Variants in EHBP1L1 observed in about 807,000 individuals in gnomAD.
EHBP1L1 encodes the protein EH domain binding protein 1 like 1, also known as EH domain-binding protein 1-like protein 1.
A neutral mutation model predicts 151.1 loss-of-function variants in EHBP1L1; 122 were observed. The ratio of observed to expected loss-of-function variants is 0.81; its 90% CI spans 0.70 to 0.94. EHBP1L1 has a LOEUF of 0.94. Among genes scored for constraint, EHBP1L1 ranks in the 40% least tolerant of loss-of-function variants. The pLI, the probability that EHBP1L1 is intolerant of heterozygous loss-of-function variation, is 0.00. For synonymous variants in EHBP1L1, 878 were observed against 810.1 expected, an observed-to-expected ratio of 1.08 and a Z score of -1.42; for missense variants, 1,941 against 1,959.8, an observed-to-expected ratio of 0.99 and a Z score of 0.18.
At chr11:65,590,047 G>C in intron 14 of EHBP1L1, 40 bp from the exon 15 acceptor site, 1 of 1,612,906 alleles carries the variant, frequency 6.2e-7, no homozygotes, top group Non-Finnish European at 8.5e-7. Flanking sequence ...TTCAGGGCCT[G>C]GGCTGAGTCC....
Position 65,592,258 on chromosome 11 carries a change from C to CTGAGCCGGCAGT in EHBP1L1, c.4538_4549dup (p.Gln1513_Arg1516dup), listed in dbSNP as rs781043524. 1.0e-5 allele frequency: 16 copies of CTGAGCCGGCAGT among 1,532,784 alleles called. No individual in the cohort carries two copies. The Admixed American group carries it at 1.2e-4, about 11-fold the overall frequency. 94.9% of individuals were successfully genotyped at this position (1,532,784 alleles called of 1,614,324 possible). A position where few individuals can be genotyped will look rare whatever the true frequency, so the allele number is the denominator to read the frequency against. ...CGGCCTGGAACAGCGGCGCCGCAAG[C>CTGAGCCGGCAGT]TGAGCCGGCAGTTGAGCCGGCGGGA... On this transcript the variant is annotated inframe_insertion, in exon 19 of 19. Transcript: ENST00000309295.
rs1857680651 is a variant in EHBP1L1 at position 65,582,612 on chromosome 11, A to T, written c.1940A>T (p.Glu647Val). The T allele has an allele frequency of 7.4e-6, 12 of 1,612,782 alleles. No individual in the cohort carries two copies. The highest frequency in any genetic ancestry group is 9.3e-6 in the Non-Finnish European group (11 of 1,179,646). Residue 647 changes from glutamate (E) to valine (V), a missense_variant, in exon 9 of 19, where the codon GAG (glutamate) becomes GTG (valine). Coordinates refer to ENST00000309295, the MANE Select transcript of EHBP1L1 (RefSeq NM_001099409.3). ...GGGGTCATAGAGACCCCAGGGACAG[A>T]GACTGAGGTATTGGGGACCCAGAAA... ...EVGVIETPGT[E>V]TEVLGTQKTE... is the part of the protein sequence containing the mutation.
chr11:65,589,599 G>A (rs1416331978), intron 12 of EHBP1L1, among the ~76,000 whole-genome samples, 152 bp from the exon 13 acceptor site: 15 of 152,154 alleles, frequency 9.9e-5, no homozygotes, highest in Non-Finnish European at 1.8e-4. Context: ...GGGCCCGGGG[G>A]TTCTGTGCAT....
At position 65,585,533 on chromosome 11, in the gene EHBP1L1, A is replaced by T. The variant is rs1185490228; in HGVS notation, c.3875A>T (p.Asn1292Ile). 45 of 1,576,058 alleles carry T rather than the reference A, an allele frequency of 2.9e-5. No individual in the cohort carries two copies. Among genetic ancestry groups the T allele is most frequent in the Non-Finnish European group, 3.8e-5 (44 of 1,168,492 alleles). Residue 1292 changes from asparagine to isoleucine, a missense_variant, in exon 12 of 19, where the codon AAC becomes ATC. Transcript: ENST00000309295. This position sits in a 1 kb window ranked among gnomAD's most constrained non-coding sequence, Gnocchi z 4.0. ...AAGAAGAGGCGCTCGCGGCTGCGGA[A>T]CAGCAGCTCGTTCTCGATGGACGAT... Reference protein sequence around the residue: ...LLKKRRSRLRNSSSFSMDDPD... With the variant: ...LLKKRRSRLRISSSFSMDDPD...
In EHBP1L1 at chr11:65,585,026, C is replaced by A. The variant is rs2135290628; in HGVS notation, c.3368C>A (p.Ser1123Ter). 3.3e-6 allele frequency: 5 copies of A among 1,536,530 alleles called. No homozygotes were observed. Among genetic ancestry groups the A allele is most frequent in the East Asian group, 2.4e-5 (1 of 40,838 alleles). Residue 1123 changes from serine to a stop codon, truncating the protein, a stop_gained, in exon 12 of 19, where the codon TCG (serine) becomes TAG (stop). Coordinates refer to ENST00000309295, the MANE Select transcript of EHBP1L1 (RefSeq NM_001099409.3). LOFTEE classifies it high-confidence loss of function. The surrounding 1 kb of genome is among the most constrained non-coding windows in gnomAD (Gnocchi z 4.0). ...GAGCCCGCGGACATGGTGCTACTGT[C>A]GGTGCCCGACAAGCTCATCGTCATG... The part of the protein sequence containing the change: ...LLEPADMVLL[S>*]VPDKLIVMTY...
chr11:65,588,584 G>A (rs901454440), intron 12 of EHBP1L1, among the ~76,000 whole-genome samples: 1 of 152,196 alleles, frequency 6.6e-6, no homozygotes, highest in African/African-American at 2.4e-5. Context: ...AGGTGGGAGT[G>A]GACACGGGCA....
intron 16 of EHBP1L1, 37 bp from the exon 17 acceptor site, chr11:65,591,763 G>GCCCCC: frequency 5.3e-6 from 6 of 1,128,584 alleles, no homozygotes; most frequent in South Asian, 1.3e-5. Flanking sequence ...TTCCTGAACT[G>GCCCCC]CCACCCCCCC....
intron 12 of EHBP1L1, among the ~76,000 whole-genome samples, chr11:65,589,462 T>TCAGCC (rs1470258097): frequency 1.3e-5 from 2 of 151,990 alleles, no homozygotes; most frequent in Non-Finnish European, 2.9e-5. Flanking sequence ...AGGCCGGAGC[T>TCAGCC]CAGCCCAGCC....
intron 9 of EHBP1L1, 150 bp from the exon 10 acceptor site, chr11:65,584,091 T>A: frequency 6.8e-7 from 1 of 1,473,020 alleles, no homozygotes; most frequent in Non-Finnish European, 8.9e-7. Context: ...AGAAACCCTT[T>A]TACCTGGCCC....
In EHBP1L1 at chr11:65,589,779, C is replaced by T. The variant is rs1471760148; in HGVS notation, c.3962C>T (p.Ala1321Val). 2 of 1,557,584 alleles carry T rather than the reference C, an allele frequency of 1.3e-6. No homozygotes were observed. ...AEGQAPDPSP[A>V]PGPPTAADSQ... ...GGCCAGGCCCCTGACCCCAGCCCTG[C>T]CCCAGGCCCACCCACAGCTGCAGAC... The change falls in exon 13 of 19, where the codon GCC becomes GTC. Residue 1321 changes from alanine to valine, a missense_variant. By Grantham distance (64) the Ala-to-Val change is moderately conservative. Coordinates refer to ENST00000309295, the MANE Select transcript of EHBP1L1 (RefSeq NM_001099409.3).
At chr11:65,580,932 G>C (rs532283943) in intron 6 of EHBP1L1, 126 bp from the exon 7 acceptor site, 63 of 1,452,442 alleles carry the variant, frequency 4.3e-5, no homozygotes, top group Non-Finnish European at 5.6e-5. Flanking sequence ...TCGCAGGCCG[G>C]GGCGGTGCCC....
In EHBP1L1 at chr11:65,581,086, T is replaced by TGAG. The variant is rs770319321; in HGVS notation, c.675_677dup (p.Glu226dup). 7 of 1,612,142 alleles carry TGAG rather than the reference T, an allele frequency of 4.3e-6. No homozygotes were observed. In the South Asian group the frequency reaches 4.4e-5, roughly 10 times the overall value. On this transcript the variant is annotated inframe_insertion, in exon 7 of 19. Transcript: ENST00000309295. Reference sequence around the variant, plus strand: ...CCTCTCGAGAGCTGAAGACGCTTTGTGAGGAGGAGGAGGAAGGCCAAGGAC... The same window carrying TGAG: ...CCTCTCGAGAGCTGAAGACGCTTTGTGAGGAGGAGGAGGAGGAAGGCCAAGGAC...
Position 65,583,085 on chromosome 11 carries a change from G to C in EHBP1L1, c.2413G>C (p.Glu805Gln). The change falls in exon 9 of 19, where the codon GAG (glutamate) becomes CAG (glutamine). Residue 805 changes from glutamate (E) to glutamine (Q), a missense_variant. Glu to Gln is a conservative substitution (Grantham distance 29). Transcript: ENST00000309295. ...CCAGGTGAAAGAGGTTGGGGGTTCA[G>C]AGGTTCCAGAGATAGCGACTGGGAC... Reference protein sequence around the residue: ...GIQVKEVGGSEVPEIATGTAE... With the variant: ...GIQVKEVGGSQVPEIATGTAE... The C allele has an allele frequency of 6.2e-7, 1 of 1,613,492 alleles. No homozygotes were observed. The highest frequency in any genetic ancestry group is 1.6e-4 in the Middle Eastern group (1 of 6,062).
chr11:65,590,046 T>C (rs772622135), intron 14 of EHBP1L1, 41 bp from the exon 15 acceptor site: 1 of 1,612,744 alleles, frequency 6.2e-7, no homozygotes, highest in East Asian at 2.2e-5. Flanking sequence ...ATTCAGGGCC[T>C]GGGCTGAGTC....
chr11:65,580,430 G>T lies in EHBP1L1; in HGVS notation c.585G>T (p.Glu195Asp). ...ACTTTGCTGAGAGTGATGAAGATGA[G>T]GCTCATGGCCCAGGAGCCCCGGAGG... ...LDDFAESDED[E>D]AHGPGAPEAR... Residue 195 changes from glutamate (E) to aspartate (D), a missense_variant, in exon 6 of 19, where the codon GAG (glutamate) becomes GAT (aspartate). Glu to Asp is a conservative substitution (Grantham distance 45, BLOSUM62 2). Coordinates refer to ENST00000309295, the MANE Select transcript of EHBP1L1 (RefSeq NM_001099409.3). 6.2e-7 allele frequency: 1 copy of T among 1,613,608 alleles called. No homozygotes were observed. The highest frequency in any genetic ancestry group is 8.5e-7 in the Non-Finnish European group (1 of 1,179,836).
rs1202913173 is a variant in EHBP1L1 at position 65,589,855 on chromosome 11, G to T, written c.4003+35G>T. The T allele has an allele frequency of 4.5e-6, 7 of 1,549,868 alleles. No homozygotes were observed. In the East Asian group the frequency reaches 1.7e-4, roughly 37 times the overall value. ...AGGAGTGGTGACCATCTCAGTTCAG[G>T]CTGCTCACAAAGCCTGGACTGGGGA... On this transcript the variant is annotated intron_variant, in intron 13 of 18. Coordinates refer to ENST00000309295, the MANE Select transcript of EHBP1L1 (RefSeq NM_001099409.3).
rs1203112432 is a variant in EHBP1L1, at chr11:65,582,343, G to A, written c.1671G>A (p.Leu557=). 2 of 1,570,480 alleles carry A rather than the reference G, an allele frequency of 1.3e-6. No individual in the cohort carries two copies. Among genetic ancestry groups the A allele is most frequent in the Middle Eastern group, 1.7e-4 (1 of 5,768 alleles). The change falls in exon 9 of 19, where the codon CTG becomes CTA. Residue 557 remains leucine (L), a synonymous_variant. Transcript: ENST00000309295. ...CCCAGGGGGCAATATCCAGGGGTCT[G>A]GGAGGCTGGGAGGCAGAAGCTGGGG... ...STAQGAISRG[L]GGWEAEAGGS...
rs773266000 is a variant in EHBP1L1, at chr11:65,582,932, A to G, written c.2260A>G (p.Ile754Val). The change falls in exon 9 of 19, where the codon ATA (isoleucine) becomes GTA (valine). Residue 754 changes from isoleucine (I) to valine (V), a missense_variant. Transcript: ENST00000309295. ...AESDILVAQE[I>V]EVGLLGVLGI... ...GTCTGACATATTGGTAGCCCAGGAG[A>G]TAGAGGTGGGACTTTTGGGGGTTCT... is the stretch of plus-strand genomic sequence containing the variant. 26 of 1,613,062 alleles carry G rather than the reference A, an allele frequency of 1.6e-5. No homozygotes were observed. Among genetic ancestry groups the G allele is most frequent in the Middle Eastern group, 3.3e-4 (2 of 6,082 alleles).
At chr11:65,580,924 G>A (rs1377641104) in intron 6 of EHBP1L1, 134 bp from the exon 7 acceptor site, 87 of 1,436,952 alleles carry the variant, frequency 6.1e-5, no homozygotes, top group Middle Eastern at 2.0e-4. Context: ...GTCTCTTCTC[G>A]CAGGCCGGGG....
Sources: allele counts gnomAD v4.1 joint callset (sites outside exome capture counted in the v4.1 genomes callset), GRCh38; gene constraint gnomAD v4.1.1; non-coding constraint Gnocchi (gnomAD v3.1); transcripts MANE v1.5; gene names NCBI Gene and HGNC (gene_info 2026-07-23, HGNC 2026-07-21).